Variants in DIP2B observed in about 807,000 individuals in gnomAD.
The protein encoded by DIP2B is DIP2 acetate--CoA ligase B (putative).
In DIP2B, 76 loss-of-function variants were observed where a neutral mutation model predicts 198.0. That is an observed-to-expected ratio of 0.38 (90% CI 0.32 to 0.46). DIP2B has a LOEUF of 0.46. Ranked by LOEUF, DIP2B falls within the 20% of genes least tolerant of loss-of-function variation. The probability of loss-of-function intolerance (pLI) is 0.99; values close to 1 mark genes in which losing one functional copy is unlikely to be tolerated. For synonymous variants in DIP2B, 701 were observed against 739.1 expected, an observed-to-expected ratio of 0.95 and a Z score of 0.84; for missense variants, 1,559 against 1,978.4, an observed-to-expected ratio of 0.79 and a Z score of 4.02.
chr12:50,731,668 G>A (rs1319372618), intron 31 of DIP2B, 131 bp downstream of exon 31: 2 of 1,143,598 alleles, frequency 1.7e-6, no homozygotes, highest in Non-Finnish European at 2.4e-6. Flanking sequence ...TTAAAAAAGG[G>A]TGTATTTTAA....
intron 1 of DIP2B, among the ~76,000 whole-genome samples, chr12:50,609,832 T>C (rs1959016580): frequency 6.6e-6 from 1 of 152,230 alleles, no homozygotes; most frequent in South Asian, 2.1e-4. Context: ...TTTTTTCTTT[T>C]ACGCTTGGCT....
At chr12:50,674,161 A>G (rs1319651521) in intron 5 of DIP2B, among the ~76,000 whole-genome samples, 2 of 152,136 alleles carry the variant, frequency 1.3e-5, no homozygotes, top group Non-Finnish European at 2.9e-5. Flanking sequence ...TGATTATTTT[A>G]TAACACTGGA....
intron 1 of DIP2B, among the ~76,000 whole-genome samples, chr12:50,561,855 C>T (rs1388473941): frequency 6.6e-6 from 1 of 152,210 alleles, no homozygotes; most frequent in Non-Finnish European, 1.5e-5. Context: ...GTGATCCACC[C>T]ATGTCGGCCT....
chr12:50,513,575 T>G (rs1958037366), intron 1 of DIP2B, among the ~76,000 whole-genome samples: 1 of 152,198 alleles, frequency 6.6e-6, no homozygotes, highest in Non-Finnish European at 1.5e-5. Flanking sequence ...TTTTAGTTCC[T>G]CTTTCAAAAG....
chr12:50,683,204 G>A lies in DIP2B; in HGVS notation c.1273G>A (p.Ala425Thr). Residue 425 changes from alanine (A) to threonine (T), a missense_variant, in exon 10 of 38, where the codon GCA becomes ACA. Coordinates refer to ENST00000301180, the MANE Select transcript of DIP2B (RefSeq NM_173602.3). ...GGTGGCTTTCTATGGATGCCTCCTG[G>A]CAGAAGTGATTCCAGTGCCTATAGA... ...FMVAFYGCLL[A>T]EVIPVPIEVP... The A allele has an allele frequency of 6.2e-7, 1 of 1,612,808 alleles. No individual in the cohort carries two copies. The highest frequency in any genetic ancestry group is 2.2e-5 in the East Asian group (1 of 44,812).
rs552069733 is a variant in DIP2B at position 50,517,726 on chromosome 12, C to T, written c.100+12486C>T. On this transcript the variant is annotated intron_variant, in intron 1 of 37. Coordinates refer to ENST00000301180, the MANE Select transcript of DIP2B (RefSeq NM_173602.3). The stretch of plus-strand genomic sequence containing the variant: ...ATTTGTTGTCTGCTCTCTAGCCATG[C>T]CAGATGACTTGCACTTCCATGAATG... Among the ~76,000 whole-genome samples, 4 of 152,330 alleles carry T rather than the reference C, an allele frequency of 2.6e-5. No individual in the cohort carries two copies. The East Asian group carries it at 5.8e-4, about 22-fold the overall frequency.
intron 1 of DIP2B, among the ~76,000 whole-genome samples, chr12:50,553,085 C>G (rs1360341678): frequency 6.6e-6 from 1 of 152,170 alleles, no homozygotes; most frequent in East Asian, 1.9e-4. Flanking sequence ...ATCTGCCCAC[C>G]TCGGCCTCCC....
intron 2 of DIP2B, among the ~76,000 whole-genome samples, chr12:50,637,462 C>T (rs1938180701): frequency 6.6e-6 from 1 of 152,156 alleles, no homozygotes; most frequent in Admixed American, 6.5e-5. Flanking sequence ...AGTGGCTTTT[C>T]CTTCTCTCTG....
At chr12:50,672,564 A>G (rs1187892244) in intron 5 of DIP2B, among the ~76,000 whole-genome samples, 2 of 152,224 alleles carry the variant, frequency 1.3e-5, no homozygotes, top group African/African-American at 2.4e-5. Flanking sequence ...ATCCAACCGT[A>G]TATTTTTCAT....
intron 3 of DIP2B, chr12:50,657,122 C>G (rs1483806727): frequency 1.3e-5 from 2 of 150,244 alleles, no homozygotes; most frequent in Non-Finnish European, 3.0e-5. Flanking sequence ...GTGGCCCACA[C>G]CTGTAATCCT....
rs145686981 is a variant in DIP2B, at chr12:50,729,188, T to C, written c.3641+510T>C. On this transcript the variant is annotated intron_variant, in intron 30 of 37. Coordinates refer to ENST00000301180, the MANE Select transcript of DIP2B (RefSeq NM_173602.3). ...TGCATTTTCACCTCCTTGGTGTACATCATGAATGCTTCACAGATGCCTGCA... is the reference window on the plus strand; with the variant it reads ...TGCATTTTCACCTCCTTGGTGTACACCATGAATGCTTCACAGATGCCTGCA... 3.9e-3 allele frequency among the ~76,000 whole-genome samples: 588 copies of C among 152,298 alleles called. 5 individuals are homozygous for C. The highest frequency in any genetic ancestry group is 0.013 in the African/African-American group (551 of 41,558).
chr12:50,512,618 G>A (rs1436309224), intron 1 of DIP2B, among the ~76,000 whole-genome samples: 1 of 152,160 alleles, frequency 6.6e-6, no homozygotes, highest in Non-Finnish European at 1.5e-5. Flanking sequence ...GACATCTGGT[G>A]GGCCTGGGTT....
chr12:50,710,330 A>T (rs956457737), intron 22 of DIP2B, among the ~76,000 whole-genome samples: 6 of 152,064 alleles, frequency 3.9e-5, no homozygotes, highest in African/African-American at 1.4e-4. Flanking sequence ...TAACTTCTCT[A>T]CTTGGGGAAT....
intron 37 of DIP2B, 84 bp downstream of exon 37, chr12:50,741,623 A>G (rs2139608945): frequency 6.7e-7 from 1 of 1,500,088 alleles, no homozygotes; most frequent in East Asian, 2.3e-5. Flanking sequence ...CATTGGGACC[A>G]CATACCTACC....
At position 50,701,374 on chromosome 12, in the gene DIP2B, TG is replaced by T. The variant is rs571635193; in HGVS notation, c.2325+2173del. Among the ~76,000 whole-genome samples the T allele has an allele frequency of 2.2e-3, 339 of 152,348 alleles. 1 individual carries two copies. Among genetic ancestry groups the T allele is most frequent in the African/African-American group, 7.6e-3 (318 of 41,584 alleles). On this transcript the variant is annotated intron_variant, in intron 19 of 37. Coordinates refer to ENST00000301180, the MANE Select transcript of DIP2B (RefSeq NM_173602.3). ...TAGGTTTTAAATTTGTTTTGTGGTTTGTTTTTTTGTTGTTGTTGTTGTTTTT... is the reference window on the plus strand; with the variant it reads ...TAGGTTTTAAATTTGTTTTGTGGTTTTTTTTTTGTTGTTGTTGTTGTTTTT...
At chr12:50,653,541 C>A (rs1938499955) in intron 3 of DIP2B, among the ~76,000 whole-genome samples, 1 of 151,710 alleles carries the variant, frequency 6.6e-6, no homozygotes, top group South Asian at 2.1e-4. Flanking sequence ...GAGGTGTTGC[C>A]ATGTTGCCCA....
intron 1 of DIP2B, among the ~76,000 whole-genome samples, chr12:50,513,702 C>T (rs1958038341): frequency 2.6e-5 from 4 of 152,062 alleles, no homozygotes; most frequent in Middle Eastern, 6.8e-3. Context: ...GGTGAAACCC[C>T]GTCTCTACTA....
intron 1 of DIP2B, among the ~76,000 whole-genome samples, chr12:50,593,194 A>G (rs970450518): frequency 6.6e-5 from 10 of 152,164 alleles, no homozygotes; most frequent in African/African-American, 2.2e-4. Context: ...ACCAGAGTGG[A>G]GTTCAGTCTT....
intron 30 of DIP2B, among the ~76,000 whole-genome samples, chr12:50,730,558 AT>A (rs1384808960): frequency 1.3e-5 from 2 of 151,194 alleles, no homozygotes; most frequent in Non-Finnish European, 1.5e-5. Flanking sequence ...TGTTAAAAAA[AT>A]TTTTTTTGTA....
Sources: allele counts gnomAD v4.1 joint callset (sites outside exome capture counted in the v4.1 genomes callset), GRCh38; gene constraint gnomAD v4.1.1; transcripts MANE v1.5; gene names NCBI Gene and HGNC (gene_info 2026-07-23, HGNC 2026-07-21).